ME3: variants seen among roughly 807,000 people sequenced by gnomAD.
The protein encoded by ME3 is malic enzyme 3.
A neutral mutation model predicts 68.9 loss-of-function variants in ME3; 48 were observed. That is an observed-to-expected ratio of 0.70 (90% CI 0.55 to 0.89). The LOEUF is 0.89. Ranked by LOEUF, ME3 falls within the 40% of genes least tolerant of loss-of-function variation. The probability of loss-of-function intolerance (pLI) is 0.00; values close to 1 mark genes in which losing one functional copy is unlikely to be tolerated. For missense variants in ME3, 675 were observed against 797.4 expected, an observed-to-expected ratio of 0.85 and a Z score of 1.85; for synonymous variants, 320 against 318.8, an observed-to-expected ratio of 1.00 and a Z score of -0.04.
the ME3 span, chr11:86,435,390 GGT>G: frequency 6.6e-6 from 1 of 152,196 alleles, no homozygotes; most frequent in Non-Finnish European, 1.5e-5. Context: ...ATAAGGACTA[GGT>G]GAATGGGAAT....
intron 6 of ME3, among the ~76,000 whole-genome samples, chr11:86,492,237 T>A (rs1297264812): frequency 6.6e-6 from 1 of 152,234 alleles, no homozygotes; most frequent in Non-Finnish European, 1.5e-5. Flanking sequence ...CATCCGCATC[T>A]CCCCAGCTAA....
At chr11:86,455,909 C>T (rs1355224543) in intron 8 of ME3, among the ~76,000 whole-genome samples, 3 of 152,082 alleles carry the variant, frequency 2.0e-5, no homozygotes, top group Non-Finnish European at 4.4e-5. Context: ...AAAGAAAGGG[C>T]GAGGAGAATT....
chr11:86,649,053 G>A (rs1181906918), intron 2 of ME3, among the ~76,000 whole-genome samples: 1 of 152,134 alleles, frequency 6.6e-6, no homozygotes, highest in African/African-American at 2.4e-5. Context: ...GAACATCAAT[G>A]CAAAAATTCT....
At chr11:86,555,739 A>G (rs1956894830) in intron 4 of ME3, among the ~76,000 whole-genome samples, 1 of 152,070 alleles carries the variant, frequency 6.6e-6, no homozygotes. Flanking sequence ...TTTTGAATCC[A>G]TGATTACATG....
intron 8 of ME3, among the ~76,000 whole-genome samples, chr11:86,450,989 C>T (rs564106075): frequency 7.3e-4 from 111 of 152,272 alleles, no homozygotes; most frequent in African/African-American, 2.2e-3. Flanking sequence ...TAAGGCCTCA[C>T]TGGGGATTCC....
chr11:86,525,306 A>C lies in ME3; in HGVS notation c.468-16439T>G, dbSNP rs116225604. Among the ~76,000 whole-genome samples the C allele has an allele frequency of 7.5e-3, 1,146 of 152,302 alleles. 10 individuals carry two copies. The highest frequency in any genetic ancestry group is 0.026 in the African/African-American group (1,074 of 41,554). Reference sequence around the variant, plus strand: ...TTCTATTCAAATACCTAATTCTTTGAAGAAAAGTTTCTAACAGAAACTTTT... The same window carrying C: ...TTCTATTCAAATACCTAATTCTTTGCAGAAAAGTTTCTAACAGAAACTTTT... On this transcript the variant is annotated intron_variant, in intron 4 of 14. Coordinates refer to ENST00000543262, the Ensembl canonical transcript of ME3.
chr11:86,479,869 C>T (rs1191682943), intron 7 of ME3, among the ~76,000 whole-genome samples: 2 of 150,666 alleles, frequency 1.3e-5, no homozygotes, highest in East Asian at 3.9e-4. Context: ...GGCTGGAGTG[C>T]AGTGGTGCCA....
chr11:86,481,208 A>ATTT (rs71040240), intron 7 of ME3, among the ~76,000 whole-genome samples: 1 of 105,900 alleles, frequency 9.4e-6, no homozygotes, highest in South Asian at 3.4e-4. Context: ...CACCCAGCTG[A>ATTT]TTTTTTTTTT....
At chr11:86,450,113 C>T (rs1949549142) in intron 9 of ME3, 111 bp from the exon 10 acceptor site, 1 of 977,278 alleles carries the variant, frequency 1.0e-6, no homozygotes, top group Non-Finnish European at 1.6e-6. Flanking sequence ...TCAATGACTC[C>T]CAGGAGGCCC....
exon 3 of ME3, chr11:86,559,728 G>T (rs762838436): frequency 3.1e-6 from 5 of 1,613,970 alleles, no homozygotes; most frequent in East Asian, 2.2e-5. Context: ...AATATCTCAT[G>T]ATTCGGAGGA....
At chr11:86,478,395 C>T (rs78192985) in intron 7 of ME3, among the ~76,000 whole-genome samples, 2,566 of 147,912 alleles carry the variant, frequency 0.017, 74 homozygotes, top group African/African-American at 0.057. Flanking sequence ...TGTCACAATG[C>T]AGTGCATGAT....
At chr11:86,530,778 G>C (rs1273783032) in intron 4 of ME3, among the ~76,000 whole-genome samples, 1 of 152,136 alleles carries the variant, frequency 6.6e-6, no homozygotes, top group African/African-American at 2.4e-5. Context: ...AATGGTGCTG[G>C]GAAAACTGGC....
At chr11:86,656,956 A>G (rs1305265090) in intron 2 of ME3, among the ~76,000 whole-genome samples, 1 of 152,198 alleles carries the variant, frequency 6.6e-6, no homozygotes, top group Non-Finnish European at 1.5e-5. Context: ...ATCATTAGAA[A>G]GTCAGGAAAC....
At chr11:86,602,777 G>A (rs1420342947) in intron 2 of ME3, among the ~76,000 whole-genome samples, 2 of 152,290 alleles carry the variant, frequency 1.3e-5, no homozygotes, top group African/African-American at 2.4e-5. Flanking sequence ...ACAGAACAGA[G>A]CACTCAGAAA....
intron 6 of ME3, among the ~76,000 whole-genome samples, chr11:86,490,996 T>C (rs375534325): frequency 1.5e-3 from 222 of 152,328 alleles, no homozygotes; most frequent in Non-Finnish European, 2.7e-3. Flanking sequence ...CAAGGGTGAC[T>C]ATAAAAAGCT....
chr11:86,518,715 C>T (rs1954058559), intron 4 of ME3, among the ~76,000 whole-genome samples: 1 of 152,166 alleles, frequency 6.6e-6, no homozygotes, highest in African/African-American at 2.4e-5. Context: ...TTCAGCTCTC[C>T]ACAAATTCTA....
At chr11:86,559,898 C>G in intron 2 of ME3, 75 bp from the exon 3 acceptor site, 1 of 1,504,356 alleles carries the variant, frequency 6.6e-7, no homozygotes, top group Non-Finnish European at 9.0e-7. Context: ...GGGTCCCACC[C>G]ACAGATAGGT....
intron 2 of ME3, among the ~76,000 whole-genome samples, chr11:86,616,468 A>T (rs1422470560): frequency 1.3e-5 from 2 of 152,024 alleles, no homozygotes; most frequent in East Asian, 1.9e-4. Flanking sequence ...TAAATGAACT[A>T]TTTTTTTTCC....
chr11:86,637,530 G>C (rs1447903336), intron 2 of ME3, among the ~76,000 whole-genome samples: 1 of 152,156 alleles, frequency 6.6e-6, no homozygotes, highest in Non-Finnish European at 1.5e-5. Context: ...GCAGCACAAA[G>C]ATGTGGAACA....
Sources: gnomAD v4.1 joint callset for allele counts (sites outside exome capture counted in the v4.1 genomes callset) on GRCh38, gnomAD v4.1.1 for gene constraint, MANE v1.5 for transcripts, NCBI Gene and HGNC (gene_info 2026-07-23, HGNC 2026-07-21) for gene names.